Variants in TRIO observed in about 807,000 individuals in gnomAD.
TRIO encodes the protein trio Rho guanine nucleotide exchange factor.
A neutral mutation model predicts 351.9 loss-of-function variants in TRIO; 58 were observed. That is an observed-to-expected ratio of 0.16 (90% CI 0.13 to 0.21). The LOEUF is 0.21. Ranked by LOEUF, TRIO falls within the 10% of genes least tolerant of loss-of-function variation. The pLI, the probability that TRIO is intolerant of heterozygous loss-of-function variation, is 1.00. For synonymous variants in TRIO, 1,758 were observed against 1,595.7 expected, an observed-to-expected ratio of 1.10 and a Z score of -2.42; for missense variants, 3,201 against 4,027.8, an observed-to-expected ratio of 0.79 and a Z score of 5.56.
intron 53 of TRIO, among the ~76,000 whole-genome samples, chr5:14,499,434 G>A (rs1198097301): frequency 6.6e-6 from 1 of 152,230 alleles, no homozygotes; most frequent in African/African-American, 2.4e-5. Flanking sequence ...GCAGTACTGG[G>A]CTGCACCACA....
intron 21 of TRIO, among the ~76,000 whole-genome samples, chr5:14,386,667 AGAGTT>A (rs1272381817): frequency 6.6e-6 from 1 of 152,236 alleles, no homozygotes; most frequent in Admixed American, 6.5e-5. Flanking sequence ...TTGAGAAGTC[AGAGTT>A]GAGTGAGGTT....
At chr5:14,465,516 C>A (rs1754187067) in intron 36 of TRIO, 29 bp from the exon 37 acceptor site, 1 of 1,609,602 alleles carries the variant, frequency 6.2e-7, no homozygotes, top group Non-Finnish European at 8.5e-7. Context: ...CCTTGCCCCA[C>A]CCCCTCCTTT....
intron 1 of TRIO, among the ~76,000 whole-genome samples, chr5:14,160,307 T>C (rs1039798340): frequency 3.3e-5 from 5 of 152,202 alleles, no homozygotes; most frequent in African/African-American, 1.2e-4. Context: ...GGGTGACCTT[T>C]TCATGATGTT....
chr5:14,461,216 A>G lies in TRIO; in HGVS notation c.5401A>G (p.Lys1801Glu). 6.4e-7 allele frequency: 1 copy of G among 1,573,390 alleles called. No individual in the cohort carries two copies. The highest frequency in any genetic ancestry group is 8.6e-7 in the Non-Finnish European group (1 of 1,160,328). Residue 1801 changes from lysine (K) to glutamate (E), a missense_variant, in exon 35 of 57, where the codon AAG (lysine) becomes GAG (glutamate). This residue lies in a region of TRIO where 193 missense variants were observed against 218.8 expected (regional missense o/e 0.88). Transcript: ENST00000344204. ...GHVKKLAHKH[K>E]KSREVRKSAD... ...CGTGAAGAAGCTGGCGCACAAGCAC[A>G]AGAAGAGCCGCGAGGTCCGCAAGAG...
At chr5:14,277,397 G>A (rs1025155815) in intron 2 of TRIO, among the ~76,000 whole-genome samples, 1 of 152,200 alleles carries the variant, frequency 6.6e-6, no homozygotes, top group Non-Finnish European at 1.5e-5. Flanking sequence ...TAATCAATGA[G>A]CTGTTGTTTG....
intron 1 of TRIO, among the ~76,000 whole-genome samples, chr5:14,209,002 CGTGTA>C (rs1791713005): frequency 6.6e-6 from 1 of 152,116 alleles, no homozygotes; most frequent in South Asian, 2.1e-4. Context: ...TATTACAGTC[CGTGTA>C]AAATGGGTGA....
rs79358661 is a variant in TRIO, at chr5:14,351,126, C to A, written c.2047-7052C>A. 3.7e-4 allele frequency among the ~76,000 whole-genome samples: 57 copies of A among 152,270 alleles called. 1 individual carries two copies. In the East Asian group the frequency reaches 0.011, roughly 29 times the overall value. Reference sequence around the variant, plus strand: ...TAACAAGCCACAGATCAGTACTGGTCCGCAGCCCACACATTGGTGACCCCT... The same window carrying A: ...TAACAAGCCACAGATCAGTACTGGTACGCAGCCCACACATTGGTGACCCCT... On this transcript the variant is annotated intron_variant, in intron 11 of 56. Coordinates refer to ENST00000344204, the MANE Select transcript of TRIO (RefSeq NM_007118.4).
At chr5:14,350,923 G>A (rs751375942) in intron 11 of TRIO, among the ~76,000 whole-genome samples, 10 of 152,132 alleles carry the variant, frequency 6.6e-5, no homozygotes, top group Non-Finnish European at 1.5e-4. Context: ...ATTATCAGGC[G>A]TTAGTTAGAT....
intron 1 of TRIO, among the ~76,000 whole-genome samples, chr5:14,222,950 C>T (rs1387733213): frequency 6.6e-6 from 1 of 152,128 alleles, no homozygotes; most frequent in African/African-American, 2.4e-5. Flanking sequence ...TGATTGAGGG[C>T]GTCTCCCGGA....
intron 1 of TRIO, among the ~76,000 whole-genome samples, chr5:14,148,959 G>A (rs186984012): frequency 1.5e-4 from 23 of 152,316 alleles, no homozygotes; most frequent in Admixed American, 6.5e-4. Flanking sequence ...TTCTGCTGAC[G>A]CGCTGTTCAG....
chr5:14,455,560 G>A (rs955248027), intron 34 of TRIO, among the ~76,000 whole-genome samples: 1 of 142,328 alleles, frequency 7.0e-6, no homozygotes, highest in Non-Finnish European at 1.5e-5. Flanking sequence ...GTTCTCCAAG[G>A]CCCCACTAGA....
chr5:14,166,937 G>T (rs1037546929), intron 1 of TRIO, among the ~76,000 whole-genome samples: 2 of 152,046 alleles, frequency 1.3e-5, no homozygotes, highest in South Asian at 4.1e-4. Context: ...GTGTTCACTT[G>T]GCAAGTTGCT....
chr5:14,273,903 T>G (rs1735261438), intron 2 of TRIO, among the ~76,000 whole-genome samples: 1 of 152,308 alleles, frequency 6.6e-6, no homozygotes, highest in South Asian at 2.1e-4. Flanking sequence ...AAGAAAATAG[T>G]ATAGTGAATT....
At chr5:14,317,726 T>C (rs1454397983) in intron 9 of TRIO, among the ~76,000 whole-genome samples, 14 of 152,224 alleles carry the variant, frequency 9.2e-5, no homozygotes, top group African/African-American at 3.1e-4. Flanking sequence ...GTGCGGTGGC[T>C]CACGCCTGTA....
chr5:14,469,240 A>G (rs1012564227), intron 37 of TRIO, among the ~76,000 whole-genome samples: 3 of 152,232 alleles, frequency 2.0e-5, no homozygotes, highest in Non-Finnish European at 4.4e-5. Flanking sequence ...TAATAAAACC[A>G]AAAATTTATT....
chr5:14,297,106 T>C lies in TRIO; in HGVS notation c.1211T>C (p.Val404Ala), dbSNP rs1561306221. Reference sequence around the variant, plus strand: ...GTAAATATAAACCGCATCATGTCGGTGGCCAATCGTCTGGTGGAGTCTGGC... The same window carrying C: ...GTAAATATAAACCGCATCATGTCGGCGGCCAATCGTCTGGTGGAGTCTGGC... ...VYVNINRIMSVANRLVESGHY... is the reference protein window; with the variant it reads ...VYVNINRIMSAANRLVESGHY... Residue 404 changes from valine to alanine, a missense_variant, in exon 7 of 57, where the codon GTG becomes GCG. By Grantham distance (64) the Val-to-Ala change is moderately conservative (BLOSUM62 0). Around this residue, in one of 19 missense-constraint regions of TRIO, gnomAD observed 349 missense variants for 449.3 expected, o/e 0.78. Coordinates refer to ENST00000344204, the MANE Select transcript of TRIO (RefSeq NM_007118.4). The C allele has an allele frequency of 6.2e-7, 1 of 1,613,770 alleles. No homozygotes were observed. Among genetic ancestry groups the C allele is most frequent in the South Asian group, 1.1e-5 (1 of 91,066 alleles).
chr5:14,178,523 CT>C lies in TRIO; in HGVS notation c.157+34642del, dbSNP rs1581281752. ...CTTGATAAGCTGACCGCGTAATTGT[CT>C]AAACAGAGATGGTGTTGAGAGTGAA... On this transcript the variant is annotated intron_variant, in intron 1 of 56. Coordinates refer to ENST00000344204, the MANE Select transcript of TRIO (RefSeq NM_007118.4). Among the ~76,000 whole-genome samples, 5 of 152,262 alleles carry C rather than the reference CT, an allele frequency of 3.3e-5. No homozygotes were observed. In the East Asian group the frequency reaches 9.6e-4, roughly 29 times the overall value.
At chr5:14,392,640 G>A (rs889674902) in intron 27 of TRIO, among the ~76,000 whole-genome samples, 5 of 152,120 alleles carry the variant, frequency 3.3e-5, no homozygotes, top group African/African-American at 4.8e-5. Context: ...CGTTTATTGC[G>A]GCACTGTTCA....
chr5:14,341,939 A>G (rs1245352700), intron 11 of TRIO, among the ~76,000 whole-genome samples: 1 of 152,240 alleles, frequency 6.6e-6, no homozygotes, highest in Non-Finnish European at 1.5e-5. Flanking sequence ...GTTTAGAGTA[A>G]TGGCTGGGAA....
Sources: gnomAD v4.1 joint callset for allele counts (sites outside exome capture counted in the v4.1 genomes callset) on GRCh38, gnomAD v4.1.1 for gene constraint, gnomAD v4.1.1 regional missense constraint, MANE v1.5 for transcripts, NCBI Gene and HGNC (gene_info 2026-07-23, HGNC 2026-07-21) for gene names.